GSK3B: variants seen among roughly 807,000 people sequenced by gnomAD.
GSK3B encodes the protein glycogen synthase kinase-3 beta.
GSK3B carries 15 observed loss-of-function variants against 56.4 expected under a neutral mutation model. That is an observed-to-expected ratio of 0.27 (90% CI 0.18 to 0.41). GSK3B has a LOEUF of 0.41. Among genes scored for constraint, GSK3B ranks in the 10% least tolerant of loss-of-function variants. The pLI is 1.00. For synonymous variants in GSK3B, 181 were observed against 188.9 expected, an observed-to-expected ratio of 0.96 and a Z score of 0.34; for missense variants, 300 against 513.4, an observed-to-expected ratio of 0.58 and a Z score of 4.02.
chr3:120,046,753 C>A (rs1485227728), intron 1 of GSK3B, among the ~76,000 whole-genome samples: 1 of 152,130 alleles, frequency 6.6e-6, no homozygotes, highest in Non-Finnish European at 1.5e-5. Flanking sequence ...GGACTACAGG[C>A]ATGCGCCACC....
chr3:120,002,008 C>A (rs200969753), intron 2 of GSK3B, 38 bp downstream of exon 2: 1 of 1,346,436 alleles, frequency 7.4e-7, no homozygotes, highest in South Asian at 1.6e-5. Context: ...ATATGTATTA[C>A]GACAGCAACA....
rs182113940 is a variant in GSK3B, at chr3:119,906,863, T to A, written c.716-1011A>T. ...ATTTTAAAGGTCTGATGTGGTGAGA[T>A]GTACTATCAAGAGAGACTGGAAATC... On this transcript the variant is annotated intron_variant, in intron 6 of 10. Transcript: ENST00000264235. Among the ~76,000 whole-genome samples, 44 of 152,192 alleles carry A rather than the reference T, an allele frequency of 2.9e-4. No individual in the cohort carries two copies. In the South Asian group the frequency reaches 8.9e-3, roughly 31 times the overall value.
rs542810108 is a variant in GSK3B, at chr3:119,848,785, G to T, written c.1097-5432C>A. 7.3e-4 allele frequency among the ~76,000 whole-genome samples: 111 copies of T among 152,248 alleles called. 4 individuals are homozygous for T. The South Asian group carries it at 0.022, about 30-fold the overall frequency. On this transcript the variant is annotated intron_variant, in intron 9 of 10. Transcript: ENST00000264235. ...AAGAAAAGCAATAAATTGATGCTAA[G>T]ATTTATTAAAAATGAATGAAAGGAA... is the stretch of plus-strand genomic sequence containing the variant.
chr3:119,950,750 G>C (rs868514345), intron 2 of GSK3B, among the ~76,000 whole-genome samples: 4 of 152,128 alleles, frequency 2.6e-5, no homozygotes, highest in Non-Finnish European at 4.4e-5. Context: ...CTGAGCAAAG[G>C]CAACAACAAA....
At chr3:119,862,831 C>T (rs1369558259) in intron 9 of GSK3B, among the ~76,000 whole-genome samples, 2 of 151,996 alleles carry the variant, frequency 1.3e-5, no homozygotes, top group Non-Finnish European at 2.9e-5. Flanking sequence ...TAGTGACTAT[C>T]CCAAGGTCTC....
chr3:120,040,723 G>A (rs2058059038), intron 1 of GSK3B, among the ~76,000 whole-genome samples: 1 of 151,830 alleles, frequency 6.6e-6, no homozygotes. Context: ...TTAAAATATT[G>A]GAAAGATAAT....
At chr3:119,979,796 C>T (rs1325856750) in intron 2 of GSK3B, among the ~76,000 whole-genome samples, 1 of 152,172 alleles carries the variant, frequency 6.6e-6, no homozygotes, top group African/African-American at 2.4e-5. Flanking sequence ...AAAGGCACCA[C>T]AAATCCCATT....
intron 1 of GSK3B, among the ~76,000 whole-genome samples, chr3:120,050,483 T>C (rs965062676): frequency 1.3e-5 from 2 of 152,240 alleles, no homozygotes; most frequent in African/African-American, 4.8e-5. Context: ...GTGAAGGCTC[T>C]AGTAAATGAA....
chr3:119,913,232 C>G (rs1360515842), intron 5 of GSK3B, among the ~76,000 whole-genome samples: 3 of 152,062 alleles, frequency 2.0e-5, no homozygotes, highest in Non-Finnish European at 4.4e-5. Flanking sequence ...GGGTGAGAAA[C>G]TGGCCACTGT....
At chr3:119,985,004 G>C (rs982825054) in intron 2 of GSK3B, among the ~76,000 whole-genome samples, 3 of 152,170 alleles carry the variant, frequency 2.0e-5, no homozygotes, top group Non-Finnish European at 1.5e-5. Flanking sequence ...GATCCAGCAG[G>C]CTTCATCCCT....
intron 3 of GSK3B, among the ~76,000 whole-genome samples, chr3:119,944,756 TG>T (rs1363126511): frequency 6.6e-6 from 1 of 152,128 alleles, no homozygotes; most frequent in Non-Finnish European, 1.5e-5. Flanking sequence ...GCATCTCAAA[TG>T]ATTAATTTAT....
At chr3:120,019,149 C>T (rs948294815) in intron 1 of GSK3B, among the ~76,000 whole-genome samples, 6 of 152,008 alleles carry the variant, frequency 3.9e-5, no homozygotes, top group Non-Finnish European at 7.4e-5. Flanking sequence ...ACTTTTCATA[C>T]ATTCAAAAAA....
Position 119,960,151 on chromosome 3 carries a change from CAAAA to C in GSK3B, c.283-12804_283-12801del, listed in dbSNP as rs574956694. Among the ~76,000 whole-genome samples, 173 of 74,648 alleles carry C rather than the reference CAAAA, an allele frequency of 2.3e-3. 1 individual carries two copies. The highest frequency in any genetic ancestry group is 0.018 in the East Asian group (39 of 2,142). The allele number at this position is 74,648 out of a possible 152,430, so 49.0% of individuals were successfully genotyped here. A position where few individuals can be genotyped will look rare whatever the true frequency, so the allele number is the denominator to read the frequency against. On this transcript the variant is annotated intron_variant, in intron 2 of 10. Coordinates refer to ENST00000264235, the MANE Select transcript of GSK3B (RefSeq NM_001146156.2). Reference sequence around the variant, plus strand: ...GCATCCCCAGAAACCTATGCTGAGACAAAAAAAAAAAAAAAAAAAAAAAGCTAGC... The same window carrying C: ...GCATCCCCAGAAACCTATGCTGAGACAAAAAAAAAAAAAAAAAAAGCTAGC...
At position 119,899,904 on chromosome 3, in the gene GSK3B, C is replaced by T. The variant is rs1361387982; in HGVS notation, c.813+5851G>A. 3.3e-5 allele frequency among the ~76,000 whole-genome samples: 5 copies of T among 151,904 alleles called. No homozygotes were observed. In the East Asian group the frequency reaches 9.7e-4, roughly 29 times the overall value. ...GATAGGCATCATAAGAAATGAAGCC[C>T]GCCCATCTACTTGGCTCCCATAGCA... is the stretch of plus-strand genomic sequence containing the variant. On this transcript the variant is annotated intron_variant, in intron 7 of 10. Transcript: ENST00000264235.
intron 2 of GSK3B, among the ~76,000 whole-genome samples, chr3:119,975,653 C>T (rs551808312): frequency 3.4e-4 from 52 of 152,146 alleles, no homozygotes; most frequent in African/African-American, 1.2e-3. Flanking sequence ...ATTTTTAGTG[C>T]AGTATTTTGT....
intron 1 of GSK3B, among the ~76,000 whole-genome samples, chr3:120,025,321 T>C (rs1056380925): frequency 3.3e-5 from 5 of 152,084 alleles, no homozygotes; most frequent in African/African-American, 7.2e-5. Flanking sequence ...TGGAGGGCTG[T>C]TTTTTAGCCT....
intron 1 of GSK3B, among the ~76,000 whole-genome samples, chr3:120,035,462 A>C (rs1439336813): frequency 6.6e-6 from 1 of 152,212 alleles, no homozygotes; most frequent in Non-Finnish European, 1.5e-5. Flanking sequence ...TTCCATATGA[A>C]TTTTAGGATC....
rs3835183 is a variant in GSK3B, at chr3:119,824,329, G to GCA, written c.*2457_*2458dup. ...TGAGAAAGAAAAATCACACATCTCAGCACACACACACACACACACACACGC... is the reference window on the plus strand; with the variant it reads ...TGAGAAAGAAAAATCACACATCTCAGCACACACACACACACACACACACACGC... On this transcript the variant is annotated 3_prime_UTR_variant, in exon 11 of 11. Coordinates refer to ENST00000264235, the MANE Select transcript of GSK3B (RefSeq NM_001146156.2). 1.2e-3 allele frequency: 260 copies of GCA among 213,522 alleles called. No homozygotes were observed. The highest frequency in any genetic ancestry group is 2.5e-3 in the African/African-American group (108 of 43,890). 13.2% of individuals were successfully genotyped at this position (213,522 alleles called of 1,614,324 possible). A position where few individuals can be genotyped will look rare whatever the true frequency, so the allele number is the denominator to read the frequency against.
intron 9 of GSK3B, among the ~76,000 whole-genome samples, chr3:119,847,434 C>T (rs182246712): frequency 2.1e-4 from 32 of 152,128 alleles, no homozygotes; most frequent in East Asian, 3.9e-4. Context: ...GAGCCAAGAC[C>T]GTGCCATTGC....
Sources: gnomAD v4.1 joint callset for allele counts (sites outside exome capture counted in the v4.1 genomes callset) on GRCh38, gnomAD v4.1.1 for gene constraint, MANE v1.5 for transcripts, NCBI Gene and HGNC (gene_info 2026-07-23, HGNC 2026-07-21) for gene names.